Variants in LEPROTL1 observed in about 807,000 individuals in gnomAD.
LEPROTL1 encodes the protein leptin receptor overlapping transcript-like 1.
LEPROTL1 carries 6 observed loss-of-function variants against 15.4 expected under a neutral mutation model. That is an observed-to-expected ratio of 0.39 (90% CI 0.21 to 0.77). LEPROTL1 has a LOEUF of 0.77. Ranked by LOEUF, LEPROTL1 falls within the 30% of genes least tolerant of loss-of-function variation. LEPROTL1 has a pLI of 0.41. For missense variants in LEPROTL1, 128 were observed against 158.1 expected, an observed-to-expected ratio of 0.81 and a Z score of 1.02; for synonymous variants, 56 against 52.6, an observed-to-expected ratio of 1.06 and a Z score of -0.28.
chr8:30,105,805 A>G lies in LEPROTL1; in HGVS notation c.339A>G (p.Ile113Met). 6.3e-7 allele frequency: 1 copy of G among 1,581,610 alleles called. No individual in the cohort carries two copies. The highest frequency in any genetic ancestry group is 8.6e-7 in the Non-Finnish European group (1 of 1,164,964). ...LTGNTVIFATILGFFLVFGSN... is the reference protein window; with the variant it reads ...LTGNTVIFATMLGFFLVFGSN... Reference sequence around the variant, plus strand: ...GAAACACAGTCATCTTTGCAACTATACTAGGCTTTTTCTTGGTCTTTGGAA... The same window carrying G: ...GAAACACAGTCATCTTTGCAACTATGCTAGGCTTTTTCTTGGTCTTTGGAA... Residue 113 changes from isoleucine to methionine, a missense_variant, in exon 4 of 4, where the codon ATA becomes ATG. Physicochemically the swap from Ile to Met is conservative, Grantham distance 10. Transcript: ENST00000321250.
At chr8:30,110,755 G>A (rs1249085444), downstream of LEPROTL1, among the ~76,000 whole-genome samples, 7 of 151,894 alleles carry the variant, frequency 4.6e-5, no homozygotes, top group Non-Finnish European at 8.8e-5. Flanking sequence ...AAAGCAAATA[G>A]AATGTCTAAT....
chr8:30,127,945 G>A (rs1187949180), intron 3 of LEPROTL1, among the ~76,000 whole-genome samples: 2 of 152,100 alleles, frequency 1.3e-5, no homozygotes, highest in Non-Finnish European at 2.9e-5. Context: ...GAATTCAGGA[G>A]CAATGGGCAG....
At chr8:30,097,681 A>AT (rs1802390659) in intron 1 of LEPROTL1, among the ~76,000 whole-genome samples, 1 of 128,024 alleles carries the variant, frequency 7.8e-6, no homozygotes, top group African/African-American at 3.1e-5. Flanking sequence ...CAAAAAAAAA[A>AT]AAAATATATA....
At chr8:30,097,680 A>AT (rs1802390541) in intron 1 of LEPROTL1, among the ~76,000 whole-genome samples, 1 of 127,436 alleles carries the variant, frequency 7.8e-6, no homozygotes, top group African/African-American at 3.2e-5. Flanking sequence ...TCAAAAAAAA[A>AT]AAAAATATAT....
chr8:30,127,941 A>C (rs905384447), intron 3 of LEPROTL1, among the ~76,000 whole-genome samples: 2 of 152,162 alleles, frequency 1.3e-5, no homozygotes, highest in East Asian at 3.9e-4. Flanking sequence ...AAGGGAATTC[A>C]GGAGCAATGG....
At chr8:30,111,257 TAAAAGA>T (rs1802650243), downstream of LEPROTL1, among the ~76,000 whole-genome samples, 1 of 152,074 alleles carries the variant, frequency 6.6e-6, no homozygotes, top group South Asian at 2.1e-4. Context: ...CCCTAAGAAT[TAAAAGA>T]AAAAGAAGAT....
chr8:30,128,317 G>A (rs1413516422), intron 3 of LEPROTL1, among the ~76,000 whole-genome samples: 2 of 152,224 alleles, frequency 1.3e-5, no homozygotes, highest in African/African-American at 4.8e-5. Context: ...AATCAGAGGA[G>A]TAGAAATTAC....
At chr8:30,097,820 C>T (rs76935483) in intron 1 of LEPROTL1, among the ~76,000 whole-genome samples, 2 of 151,046 alleles carry the variant, frequency 1.3e-5, no homozygotes, top group African/African-American at 4.9e-5. Context: ...ATAGCACTTA[C>T]AATAAGACAA....
At chr8:30,102,642 ACT>A (rs1339297133) in intron 2 of LEPROTL1, among the ~76,000 whole-genome samples, 1 of 149,930 alleles carries the variant, frequency 6.7e-6, no homozygotes, top group African/African-American at 2.5e-5. Flanking sequence ...ATAGAGCAAG[ACT>A]CTGTTTCCAA....
At chr8:30,132,162 G>C in intron 3 of LEPROTL1, 1 of 1,551,844 alleles carries the variant, frequency 6.4e-7, no homozygotes, top group East Asian at 2.4e-5. Flanking sequence ...CATTGGCAAA[G>C]GAGTGAATCA....
At position 30,107,157 on chromosome 8, in the gene LEPROTL1, G is replaced by C; in HGVS notation, c.*1295G>C. 1 of 985,278 alleles carries C rather than the reference G, an allele frequency of 1.0e-6. No homozygotes were observed. The highest frequency in any genetic ancestry group is 1.2e-6 in the Non-Finnish European group (1 of 829,816). 61.0% of individuals were successfully genotyped at this position (985,278 alleles called of 1,614,324 possible). Reference sequence around the variant, plus strand: ...ATTTTGAGTTCATCATGATAGATCTGCTGTTTCCTTATAAAAGGCATTTGT... The same window carrying C: ...ATTTTGAGTTCATCATGATAGATCTCCTGTTTCCTTATAAAAGGCATTTGT... On this transcript the variant is annotated 3_prime_UTR_variant, in exon 4 of 4. Transcript: ENST00000321250.
At position 30,108,082 on chromosome 8, in the gene LEPROTL1, GT is replaced by G. The variant is rs1802599678; in HGVS notation, c.*2225del. 1.2e-6 allele frequency: 1 copy of G among 802,526 alleles called. No individual in the cohort carries two copies. Among genetic ancestry groups the G allele is most frequent in the Non-Finnish European group, 1.5e-6 (1 of 663,332 alleles). The allele number at this position is 802,526 out of a possible 1,614,324, so 49.7% of individuals were successfully genotyped here. ...TAAATATCTATTTTAGTTTGTGGGT[GT>G]TTTTGAAATGAAAATATATGGCACA... is the stretch of plus-strand genomic sequence containing the variant. On this transcript the variant is annotated 3_prime_UTR_variant, in exon 4 of 4. Coordinates refer to ENST00000321250, the MANE Select transcript of LEPROTL1 (RefSeq NM_015344.3).
chr8:30,136,812 C>T lies in LEPROTL1; in HGVS notation c.395-460C>T, dbSNP rs145725155. ...GATGCGATCTCCTGTCTCAGCCTCC[C>T]GAGTAGCTGGGATTCCAGGCGTCCG... On this transcript the variant is annotated intron_variant, in intron 4 of 4. Transcript: ENST00000442880. Among the ~76,000 whole-genome samples the T allele has an allele frequency of 5.1e-3, 770 of 151,718 alleles. 3 individuals carry two copies. Among genetic ancestry groups the T allele is most frequent in the Non-Finnish European group, 7.8e-3 (533 of 67,916 alleles).
intron 1 of LEPROTL1, among the ~76,000 whole-genome samples, chr8:30,096,695 T>A (rs1802373091): frequency 6.6e-6 from 1 of 152,214 alleles, no homozygotes; most frequent in South Asian, 2.1e-4. Flanking sequence ...TCTTCCCTGT[T>A]TCTTCAGTGT....
downstream of LEPROTL1, among the ~76,000 whole-genome samples, chr8:30,109,042 C>T (rs180826446): frequency 3.0e-3 from 450 of 148,056 alleles, 7 homozygotes; most frequent in African/African-American, 0.01. Context: ...CCCCCCGCCC[C>T]GAAAAAAAGT....
intron 3 of LEPROTL1, among the ~76,000 whole-genome samples, chr8:30,118,680 C>T (rs1435818310): frequency 6.6e-6 from 1 of 152,144 alleles, no homozygotes; most frequent in Admixed American, 6.5e-5. Flanking sequence ...GCACCGGCAC[C>T]GGTTTCTGAG....
intron 3 of LEPROTL1, among the ~76,000 whole-genome samples, chr8:30,113,943 G>T (rs963449347): frequency 9.2e-5 from 14 of 152,130 alleles, no homozygotes; most frequent in Non-Finnish European, 1.8e-4. Context: ...ACCGGCCTAG[G>T]GAGACCCTAG....
chr8:30,111,585 G>A (rs1434924424), downstream of LEPROTL1, among the ~76,000 whole-genome samples: 4 of 152,160 alleles, frequency 2.6e-5, no homozygotes, highest in Admixed American at 6.5e-5. Context: ...GTTACATGCC[G>A]CATTCCAGGT....
intron 3 of LEPROTL1, among the ~76,000 whole-genome samples, chr8:30,122,129 T>C (rs1802838133): frequency 1.3e-5 from 2 of 150,940 alleles, no homozygotes; most frequent in Admixed American, 1.3e-4. Flanking sequence ...ATCATGCCAC[T>C]GCACTCCAGC....
Sources: allele counts gnomAD v4.1 joint callset (sites outside exome capture counted in the v4.1 genomes callset), GRCh38; gene constraint gnomAD v4.1.1; transcripts MANE v1.5; gene names NCBI Gene and HGNC (gene_info 2026-07-23, HGNC 2026-07-21).